The following COL23A1 variants were observed in gnomAD, a reference collection of about 807,000 sequenced individuals.
The protein encoded by COL23A1 is collagen alpha-1(XXIII) chain.
In COL23A1, 97 loss-of-function variants were observed where a neutral mutation model predicts 99.3. That is an observed-to-expected ratio of 0.98 (90% confidence interval 0.83 to 1.16). The LOEUF (loss-of-function observed/expected upper bound fraction) is 1.16. Ranked by LOEUF, COL23A1 falls within the 50% of genes most tolerant of loss-of-function variation. COL23A1 has a pLI of 0.00. For synonymous variants in COL23A1, 320 were observed against 308.2 expected, an observed-to-expected ratio of 1.04 and a Z score of -0.40; for missense variants, 762 against 757.4, an observed-to-expected ratio of 1.01 and a Z score of -0.07.
At chr5:178,381,737 G>T (rs1231488494) in intron 2 of COL23A1, among the ~76,000 whole-genome samples, 2 of 152,202 alleles carry the variant, frequency 1.3e-5, no homozygotes, top group Non-Finnish European at 2.9e-5. Context: ...CCCGGCTCAG[G>T]CAATCCTCCC....
chr5:178,469,631 C>T (rs890411457), intron 2 of COL23A1, among the ~76,000 whole-genome samples: 1 of 152,112 alleles, frequency 6.6e-6, no homozygotes, highest in African/African-American at 2.4e-5. Context: ...TGGGACCTGC[C>T]TTCATGTCCA....
intron 2 of COL23A1, among the ~76,000 whole-genome samples, chr5:178,514,472 G>A (rs1759393418): frequency 6.6e-6 from 1 of 152,204 alleles, no homozygotes; most frequent in Non-Finnish European, 1.5e-5. Context: ...ATCATTTTGT[G>A]AGGATCCTCC....
chr5:178,356,165 C>A (rs11950817), intron 2 of COL23A1, among the ~76,000 whole-genome samples: 8 of 151,966 alleles, frequency 5.3e-5, no homozygotes, highest in Admixed American at 5.2e-4. Flanking sequence ...ATAGGCAAAG[C>A]CACAGAGACG....
At chr5:178,270,244 T>G in intron 6 of COL23A1, 93 bp downstream of exon 6, 2 of 1,467,198 alleles carry the variant, frequency 1.4e-6, no homozygotes, top group South Asian at 2.3e-5. Context: ...CAAGTTCCAG[T>G]GGCTGCTTCC....
chr5:178,405,266 A>G (rs1949886368), intron 2 of COL23A1, among the ~76,000 whole-genome samples: 1 of 152,268 alleles, frequency 6.6e-6, no homozygotes, highest in Non-Finnish European at 1.5e-5. Flanking sequence ...TTTGTGAGTC[A>G]GTAAGTTCTC....
chr5:178,307,525 C>T lies in COL23A1; in HGVS notation c.362-606G>A, dbSNP rs959443609. Among the ~76,000 whole-genome samples the T allele has an allele frequency of 6.6e-5, 10 of 152,228 alleles. No homozygotes were observed. Among genetic ancestry groups the T allele is most frequent in the African/African-American group, 2.4e-4 (10 of 41,462 alleles). On this transcript the variant is annotated intron_variant, in intron 2 of 28. Transcript: ENST00000390654. This position sits in a 1 kb window ranked among gnomAD's most constrained non-coding sequence, Gnocchi z 4.2. ...TTCTGGGCTTCCTGTCCACGTCTGT[C>T]CTCCATCCGCGCGCTATAAGCCCTT...
chr5:178,259,851 G>A (rs535305703), intron 11 of COL23A1, 104 bp from the exon 12 acceptor site: 705 of 1,104,392 alleles, frequency 6.4e-4, no homozygotes, highest in East Asian at 4.1e-3. Flanking sequence ...CTGATGACCC[G>A]TGCCCAGGGC....
At chr5:178,337,259 G>A (rs189868300) in intron 2 of COL23A1, among the ~76,000 whole-genome samples, 71 of 152,374 alleles carry the variant, frequency 4.7e-4, no homozygotes, top group Non-Finnish European at 7.6e-4. Context: ...GTGTGAGGGC[G>A]AGGAGAGCAT....
chr5:178,279,216 C>T (rs772031268), intron 5 of COL23A1, among the ~76,000 whole-genome samples: 60 of 152,310 alleles, frequency 3.9e-4, no homozygotes, highest in African/African-American at 1.4e-3. Flanking sequence ...TCCTCCTGAG[C>T]GCCTCCTTCC....
intron 2 of COL23A1, among the ~76,000 whole-genome samples, chr5:178,520,389 T>A (rs1406747004): frequency 6.6e-6 from 1 of 152,144 alleles, no homozygotes; most frequent in South Asian, 2.1e-4. Flanking sequence ...CTCATACGAC[T>A]CCTACATGTT....
chr5:178,252,683 G>T (rs1227685200), intron 16 of COL23A1, 86 bp from the exon 17 acceptor site: 6 of 1,153,924 alleles, frequency 5.2e-6, no homozygotes, highest in Non-Finnish European at 2.5e-6. Context: ...CTGGAATCAA[G>T]TCCCCGTCCA....
chr5:178,311,414 A>G (rs1477420183), intron 2 of COL23A1, among the ~76,000 whole-genome samples: 1 of 152,158 alleles, frequency 6.6e-6, no homozygotes, highest in African/African-American at 2.4e-5. Context: ...TGGGACCCCA[A>G]GAAATAACTG....
chr5:178,571,004 G>A (rs1391068305), intron 1 of COL23A1, among the ~76,000 whole-genome samples: 3 of 152,074 alleles, frequency 2.0e-5, no homozygotes, highest in African/African-American at 7.2e-5. Flanking sequence ...CATTCACACT[G>A]GGGCCGGGAG....
chr5:178,246,212 G>T, intron 24 of COL23A1, 42 bp downstream of exon 24: 4 of 1,549,278 alleles, frequency 2.6e-6, no homozygotes, highest in Non-Finnish European at 2.6e-6. Context: ...ACCATGACCA[G>T]GTGGCCACGG....
intron 2 of COL23A1, among the ~76,000 whole-genome samples, chr5:178,319,928 C>A (rs969663887): frequency 2.6e-5 from 4 of 152,196 alleles, no homozygotes; most frequent in African/African-American, 9.7e-5. Flanking sequence ...CGGCCGCATG[C>A]CCCTCCGTCA....
rs572155714 is a variant in COL23A1, at chr5:178,366,724, C to G, written c.362-59805G>C. ...CCACACTGAGCATCCCAAACCTCGC[C>G]GGAAGCACGTTCCTCCTCCGTGCCT... On this transcript the variant is annotated intron_variant, in intron 2 of 28. Transcript: ENST00000390654. The surrounding 1 kb of genome is among the most constrained non-coding windows in gnomAD (Gnocchi z 4.4). Among the ~76,000 whole-genome samples the G allele has an allele frequency of 4.6e-5, 7 of 152,332 alleles. No homozygotes were observed. In the South Asian group the frequency reaches 1.4e-3, roughly 32 times the overall value.
chr5:178,393,109 G>A (rs1035888067), intron 2 of COL23A1, among the ~76,000 whole-genome samples: 4 of 152,232 alleles, frequency 2.6e-5, no homozygotes, highest in East Asian at 1.9e-4. Flanking sequence ...CATTGTTGCC[G>A]AAGTAAACGA....
intron 2 of COL23A1, among the ~76,000 whole-genome samples, chr5:178,516,957 TTG>T (rs1293348587): frequency 1.3e-5 from 2 of 152,190 alleles, no homozygotes; most frequent in Non-Finnish European, 2.9e-5. Flanking sequence ...ATCTGTGGCT[TTG>T]TGTGTGGAAA....
intron 12 of COL23A1, 33 bp downstream of exon 12, chr5:178,259,688 T>C (rs1430547621): frequency 2.2e-6 from 3 of 1,385,890 alleles, no homozygotes; most frequent in South Asian, 2.3e-5. Flanking sequence ...TTCCCAACAC[T>C]GACCCGGAAG....
Sources: gnomAD v4.1 joint callset for allele counts (sites outside exome capture counted in the v4.1 genomes callset) on GRCh38, gnomAD v4.1.1 for gene constraint, Gnocchi (gnomAD v3.1) non-coding constraint, MANE v1.5 for transcripts, NCBI Gene and HGNC (gene_info 2026-07-23, HGNC 2026-07-21) for gene names.